The following CYP7B1 variants were observed in gnomAD, a reference collection of about 807,000 sequenced individuals.
CYP7B1 encodes the protein cytochrome P450 family 7 subfamily B member 1, also known as cytochrome P450 7B1.
Under a neutral mutation model 42.7 loss-of-function variants are expected in CYP7B1, and 29 were observed. That is an observed-to-expected ratio of 0.68 (90% CI 0.51 to 0.93). The LOEUF is 0.93. CYP7B1 is among the 40% of genes least tolerant of loss of function. The pLI, the probability that CYP7B1 is intolerant of heterozygous loss-of-function variation, is 0.00. For synonymous variants in CYP7B1, 235 were observed against 218.2 expected, an observed-to-expected ratio of 1.08 and a Z score of -0.68; for missense variants, 655 against 600.5, an observed-to-expected ratio of 1.09 and a Z score of -0.95.
chr8:64,790,197 C>T (rs1333661335), intron 1 of CYP7B1, among the ~76,000 whole-genome samples: 1 of 152,068 alleles, frequency 6.6e-6, no homozygotes, highest in Non-Finnish European at 1.5e-5. Flanking sequence ...GCTAGAAGAC[C>T]CCAAATCCTG....
At chr8:64,658,442 C>T (rs1198983410) in intron 1 of CYP7B1, among the ~76,000 whole-genome samples, 2 of 151,902 alleles carry the variant, frequency 1.3e-5, no homozygotes, top group Non-Finnish European at 2.9e-5. Context: ...CAGTGCTTGC[C>T]TCTTTTTCCT....
intron 1 of CYP7B1, among the ~76,000 whole-genome samples, chr8:64,648,951 C>T (rs887422380): frequency 6.6e-6 from 1 of 152,208 alleles, no homozygotes; most frequent in African/African-American, 2.4e-5. Flanking sequence ...TCCTTACCCA[C>T]ATGCTCCAGA....
At chr8:64,648,368 T>C (rs1276679187) in intron 1 of CYP7B1, among the ~76,000 whole-genome samples, 4 of 152,232 alleles carry the variant, frequency 2.6e-5, no homozygotes, top group Non-Finnish European at 2.9e-5. Flanking sequence ...CAAAGGAATA[T>C]GGTTGTTAAA....
At chr8:64,655,394 C>A (rs191786955) in intron 1 of CYP7B1, among the ~76,000 whole-genome samples, 79 of 152,222 alleles carry the variant, frequency 5.2e-4, no homozygotes, top group African/African-American at 1.7e-3. Context: ...AGAAGACATA[C>A]ATGTGGCCAA....
chr8:64,624,488 C>CACTCCA lies in CYP7B1; in HGVS notation c.168_173dup (p.Gly57_Val58dup), dbSNP rs1563367631. The CACTCCA allele has an allele frequency of 6.2e-7, 1 of 1,613,008 alleles. No individual in the cohort carries two copies. Among genetic ancestry groups the CACTCCA allele is most frequent in the South Asian group, 1.1e-5 (1 of 91,046 alleles). On this transcript the variant is annotated inframe_insertion, in exon 2 of 6. Transcript: ENST00000310193. ...AGGGGTCTTTTCGTAAGTTCAGGACCACTCCAAGATAAGGAAGCCAACCTT... is the reference window on the plus strand; with the variant it reads ...AGGGGTCTTTTCGTAAGTTCAGGACCACTCCAACTCCAAGATAAGGAAGCCAACCTT...
intron 1 of CYP7B1, among the ~76,000 whole-genome samples, chr8:64,738,547 C>A (rs6982820): frequency 6.6e-6 from 1 of 151,908 alleles, no homozygotes; most frequent in Non-Finnish European, 1.5e-5. Flanking sequence ...CACACACACA[C>A]GCACACACAC....
chr8:64,680,521 T>A (rs115212842), intron 1 of CYP7B1, among the ~76,000 whole-genome samples: 3,075 of 152,218 alleles, frequency 0.02, 50 homozygotes, highest in Middle Eastern at 0.034. Context: ...CACTGAGGCA[T>A]TGTTTCATTT....
chr8:64,630,590 A>G (rs1194239173), intron 1 of CYP7B1, among the ~76,000 whole-genome samples: 2 of 152,224 alleles, frequency 1.3e-5, no homozygotes, highest in Non-Finnish European at 2.9e-5. Flanking sequence ...CTGCTTATCT[A>G]TACCTTTCAA....
intron 1 of CYP7B1, among the ~76,000 whole-genome samples, chr8:64,645,248 T>C (rs1258656238): frequency 6.6e-6 from 1 of 151,668 alleles, no homozygotes; most frequent in Non-Finnish European, 1.5e-5. Flanking sequence ...TATAGCAGCA[T>C]GATTTATAGT....
intron 1 of CYP7B1, among the ~76,000 whole-genome samples, chr8:64,706,913 C>A (rs895256994): frequency 1.3e-5 from 2 of 151,852 alleles, no homozygotes; most frequent in Non-Finnish European, 2.9e-5. Flanking sequence ...AGAAGGTATC[C>A]AATATCAGAA....
At chr8:64,719,513 G>A (rs1042196241) in intron 1 of CYP7B1, among the ~76,000 whole-genome samples, 3 of 152,196 alleles carry the variant, frequency 2.0e-5, no homozygotes, top group East Asian at 1.9e-4. Context: ...AGAGCTACAC[G>A]CTGCCTTTGG....
intron 1 of CYP7B1, among the ~76,000 whole-genome samples, chr8:64,757,004 C>T (rs1232427887): frequency 6.6e-6 from 1 of 152,140 alleles, no homozygotes; most frequent in African/African-American, 2.4e-5. Flanking sequence ...GCCAGGTCTC[C>T]AGTTGACTCA....
At chr8:64,794,122 C>A (rs1490988698) in intron 1 of CYP7B1, among the ~76,000 whole-genome samples, 1 of 152,142 alleles carries the variant, frequency 6.6e-6, no homozygotes, top group Non-Finnish European at 1.5e-5. Flanking sequence ...AAGGAAAAAG[C>A]CACAATATTA....
chr8:64,767,732 A>G (rs986266937), intron 1 of CYP7B1, among the ~76,000 whole-genome samples: 4 of 152,190 alleles, frequency 2.6e-5, no homozygotes, highest in Non-Finnish European at 5.9e-5. Flanking sequence ...CAGGTCATAC[A>G]TTTCAATCCC....
At chr8:64,783,541 C>CTT (rs34281051) in intron 1 of CYP7B1, among the ~76,000 whole-genome samples, 42 of 142,998 alleles carry the variant, frequency 2.9e-4, no homozygotes, top group African/African-American at 7.6e-4. Flanking sequence ...TTCCATACTA[C>CTT]TTTTTTTTTT....
At chr8:64,785,503 T>C (rs1251754429) in intron 1 of CYP7B1, among the ~76,000 whole-genome samples, 1 of 152,210 alleles carries the variant, frequency 6.6e-6, no homozygotes, top group African/African-American at 2.4e-5. Context: ...TACATCTATG[T>C]AATTTAGAAT....
chr8:64,788,177 T>G (rs1293395002), intron 1 of CYP7B1, among the ~76,000 whole-genome samples: 2 of 152,174 alleles, frequency 1.3e-5, no homozygotes, highest in Admixed American at 1.3e-4. Flanking sequence ...AGCATGAACT[T>G]TAGTTAACAA....
intron 1 of CYP7B1, among the ~76,000 whole-genome samples, chr8:64,777,687 C>T (rs1254351586): frequency 6.6e-6 from 1 of 151,968 alleles, no homozygotes; most frequent in Admixed American, 6.6e-5. Context: ...AGTTAGAAAA[C>T]TATATAATGG....
At chr8:64,732,972 G>A (rs1355406107) in intron 1 of CYP7B1, 1 of 152,140 alleles carries the variant, frequency 6.6e-6, no homozygotes, top group East Asian at 1.9e-4. Flanking sequence ...CTCTTTGGAA[G>A]GGCAAAAAGA....
Sources: allele counts gnomAD v4.1 joint callset (sites outside exome capture counted in the v4.1 genomes callset), GRCh38; gene constraint gnomAD v4.1.1; transcripts MANE v1.5; gene names NCBI Gene and HGNC (gene_info 2026-07-23, HGNC 2026-07-21).